PAPPA: variants seen among roughly 807,000 people sequenced by gnomAD.
PAPPA encodes the protein pappalysin-1.
Under a neutral mutation model 164.0 loss-of-function variants are expected in PAPPA, and 60 were observed. The observed-to-expected ratio is 0.37, with a 90% CI of 0.30 to 0.45. The LOEUF is 0.45. Among genes scored for constraint, PAPPA ranks in the 20% least tolerant of loss-of-function variants. The pLI is 1.00. For synonymous variants in PAPPA, 875 were observed against 814.1 expected (o/e 1.07, Z -1.27); for missense variants, 1,782 against 2,087.3 (o/e 0.85, Z 2.85).
At chr9:116,247,535 T>C (rs16933345) in intron 7 of PAPPA, among the ~76,000 whole-genome samples, 3,753 of 152,278 alleles carry the variant, frequency 0.025, 131 homozygotes, top group East Asian at 0.11. Flanking sequence ...TTCTGTTCAC[T>C]CTGGGGGTAG....
chr9:116,264,033 A>G (rs1167839101), intron 7 of PAPPA, among the ~76,000 whole-genome samples: 1 of 152,222 alleles, frequency 6.6e-6, no homozygotes, highest in Non-Finnish European at 1.5e-5. Flanking sequence ...TTATATCACA[A>G]TGTGGCCGTT....
intron 1 of PAPPA, among the ~76,000 whole-genome samples, chr9:116,165,302 C>A (rs143651103): frequency 6.6e-6 from 1 of 152,304 alleles, no homozygotes; most frequent in Non-Finnish European, 1.5e-5. Flanking sequence ...CACAGATCCA[C>A]CTGTCTACTG....
intron 10 of PAPPA, among the ~76,000 whole-genome samples, chr9:116,319,173 A>G (rs1845822862): frequency 3.9e-5 from 6 of 152,202 alleles, no homozygotes; most frequent in Admixed American, 3.9e-4. Flanking sequence ...TTAGGGAGAC[A>G]GGGAGCAGGC....
At chr9:116,217,168 T>C (rs1486877698) in intron 4 of PAPPA, among the ~76,000 whole-genome samples, 5 of 152,190 alleles carry the variant, frequency 3.3e-5, no homozygotes, top group Non-Finnish European at 5.9e-5. Context: ...AAAAGAAAAA[T>C]ACACTTTTTT....
chr9:116,205,058 C>T (rs1051265942), intron 2 of PAPPA, among the ~76,000 whole-genome samples: 2 of 150,392 alleles, frequency 1.3e-5, no homozygotes, highest in African/African-American at 2.4e-5. Flanking sequence ...ATCCACAGAG[C>T]TGTGTTGTTG....
At chr9:116,159,503 G>A (rs1004174910) in intron 1 of PAPPA, among the ~76,000 whole-genome samples, 3 of 152,074 alleles carry the variant, frequency 2.0e-5, no homozygotes, top group African/African-American at 7.2e-5. Flanking sequence ...TCTTTGACAT[G>A]CTAGGATTAC....
chr9:116,237,893 T>G (rs1328008538), intron 7 of PAPPA, among the ~76,000 whole-genome samples: 1 of 152,060 alleles, frequency 6.6e-6, no homozygotes, highest in African/African-American at 2.4e-5. Flanking sequence ...CTAATTTTTG[T>G]GTTTTTAGTA....
At chr9:116,367,329 C>T (rs1165822863) in intron 18 of PAPPA, among the ~76,000 whole-genome samples, 1 of 152,116 alleles carries the variant, frequency 6.6e-6, no homozygotes, top group Non-Finnish European at 1.5e-5. Context: ...ACTGAGTGCC[C>T]AGCAAAGGGG....
intron 9 of PAPPA, among the ~76,000 whole-genome samples, chr9:116,281,662 G>C (rs1845268985): frequency 6.6e-6 from 1 of 152,126 alleles, no homozygotes; most frequent in African/African-American, 2.4e-5. Flanking sequence ...CAGCACCCCT[G>C]GCTACCAGGT....
rs1847058166 is a variant in PAPPA, at chr9:116,401,687, G to A, written c.*5071G>A. The stretch of plus-strand genomic sequence containing the variant: ...TTACAAACTGCTCTTCCATATTTAT[G>A]TACCATATTATACCTTTTTATTATT... On this transcript the variant is annotated 3_prime_UTR_variant, in exon 22 of 22. Transcript: ENST00000328252. 6.6e-6 allele frequency: 1 copy of A among 151,214 alleles called. No individual in the cohort carries two copies. The allele number at this position is 151,214 out of a possible 1,614,324, so 9.4% of individuals were successfully genotyped here. A position where few individuals can be genotyped will look rare whatever the true frequency, so the allele number is the denominator to read the frequency against.
At position 116,397,447 on chromosome 9, in the gene PAPPA, T is replaced by A. The variant is rs984097510; in HGVS notation, c.*831T>A. The A allele has an allele frequency of 1.3e-5, 2 of 152,832 alleles. No individual in the cohort carries two copies. Among genetic ancestry groups the A allele is most frequent in the African/African-American group, 2.4e-5 (1 of 41,462 alleles). 9.5% of individuals were successfully genotyped at this position (152,832 alleles called of 1,614,324 possible). On this transcript the variant is annotated 3_prime_UTR_variant, in exon 22 of 22. Coordinates refer to ENST00000328252, the MANE Select transcript of PAPPA (RefSeq NM_002581.5). ...CCCCAGATCTTGCCTTGGGACCACA[T>A]TTGCTGCTACTTTTCCTGCTGCTCT...
rs1447832163 is a variant in PAPPA, at chr9:116,347,178, C to T, written c.3933C>T (p.Ser1311=). 1 of 1,613,634 alleles carries T rather than the reference C, an allele frequency of 6.2e-7. No homozygotes were observed. Among genetic ancestry groups the T allele is most frequent in the East Asian group, 2.2e-5 (1 of 44,870 alleles). Residue 1311 remains serine, a synonymous_variant, in exon 15 of 22, where the codon TCC becomes TCT. Transcript: ENST00000328252. This position sits in a 1 kb window ranked among gnomAD's most constrained non-coding sequence, Gnocchi z 4.5. ...PEGTTFGSQC[S]FQCRHPAQLK... is the part of the protein sequence containing the mutation. ...GCACCACCTTTGGCAGTCAATGTTCCTTCCAGTGCCGTCACCCTGCACAAT... is the reference window on the plus strand; with the variant it reads ...GCACCACCTTTGGCAGTCAATGTTCTTTCCAGTGCCGTCACCCTGCACAAT...
At chr9:116,184,890 A>G (rs2118621931) in intron 1 of PAPPA, among the ~76,000 whole-genome samples, 1 of 152,228 alleles carries the variant, frequency 6.6e-6, no homozygotes, top group East Asian at 1.9e-4. Context: ...AAGGTGCTGG[A>G]GAGGTTACTG....
chr9:116,226,207 G>T (rs398400), intron 5 of PAPPA, among the ~76,000 whole-genome samples: 70,505 of 151,974 alleles, frequency 0.46, 17,013 homozygotes, highest in East Asian at 0.73. Context: ...CCACATTATA[G>T]GGCATTAGGG....
Position 116,170,880 on chromosome 9 carries a change from TAA to T in PAPPA, c.416-16262_416-16261del, listed in dbSNP as rs57108450. Reference sequence around the variant, plus strand: ...TTGTTTTTATGCCGCTGTGAGTTCTTAAAAAAAAAAAAATCCCCTGAGACATC... The same window carrying T: ...TTGTTTTTATGCCGCTGTGAGTTCTTAAAAAAAAAAATCCCCTGAGACATC... On this transcript the variant is annotated intron_variant, in intron 1 of 21. Transcript: ENST00000328252. 4.3e-3 allele frequency among the ~76,000 whole-genome samples: 639 copies of T among 148,544 alleles called. 2 individuals carry two copies. The highest frequency in any genetic ancestry group is 6.9e-3 in the Middle Eastern group (2 of 290).
intron 19 of PAPPA, among the ~76,000 whole-genome samples, chr9:116,376,270 C>T (rs552776674): frequency 1.2e-4 from 19 of 152,298 alleles, no homozygotes; most frequent in African/African-American, 2.2e-4. Flanking sequence ...CCACCTGCCT[C>T]GGCCTCCCAA....
chr9:116,334,849 C>CT lies in PAPPA; in HGVS notation c.3398-11dup. On this transcript the variant is annotated splice_polypyrimidine_tract_variant and intron_variant, in intron 12 of 21. Coordinates refer to ENST00000328252, the MANE Select transcript of PAPPA (RefSeq NM_002581.5). ...GAGCCTGGCCCCTCGGCCCCTCTGT[C>CT]TCCCCTGACAGGCCTCCATGTCCTG... is the stretch of plus-strand genomic sequence containing the variant. 3 of 1,609,082 alleles carry CT rather than the reference C, an allele frequency of 1.9e-6. No homozygotes were observed. In the East Asian group the frequency reaches 6.7e-5, roughly 36 times the overall value.
intron 10 of PAPPA, among the ~76,000 whole-genome samples, chr9:116,311,190 C>T (rs7028760): frequency 0.01 from 1,573 of 151,754 alleles, 29 homozygotes; most frequent in African/African-American, 0.036. Context: ...CTTCCCTGAA[C>T]CTCTCAATCC....
At chr9:116,183,720 G>A (rs1230945117) in intron 1 of PAPPA, among the ~76,000 whole-genome samples, 1 of 152,128 alleles carries the variant, frequency 6.6e-6, no homozygotes. Context: ...TTCCCTTAAT[G>A]TGTTTCTTTT....
Sources: gnomAD v4.1 joint callset for allele counts (sites outside exome capture counted in the v4.1 genomes callset) on GRCh38, gnomAD v4.1.1 for gene constraint, Gnocchi (gnomAD v3.1) non-coding constraint, MANE v1.5 for transcripts, NCBI Gene and HGNC (gene_info 2026-07-23, HGNC 2026-07-21) for gene names.